ANKRD36B: variants seen among roughly 807,000 people sequenced by gnomAD.
ANKRD36B encodes the protein ankyrin repeat domain 36B.
ANKRD36B carries 37 observed loss-of-function variants against 135.7 expected under a neutral mutation model. The observed-to-expected ratio is 0.27, with a 90% CI of 0.21 to 0.36. The LOEUF (loss-of-function observed/expected upper bound fraction) is 0.36. Among genes scored for constraint, ANKRD36B ranks in the 10% least tolerant of loss-of-function variants. The probability of loss-of-function intolerance (pLI) is 1.00; values close to 1 mark genes in which losing one functional copy is unlikely to be tolerated. For synonymous variants in ANKRD36B, 179 were observed against 348.1 expected (o/e 0.51, Z 5.41); for missense variants, 549 against 1,037.1 (o/e 0.53, Z 6.46).
intron 6 of ANKRD36B, among the ~76,000 whole-genome samples, chr2:97,574,563 C>A (rs2082104714): frequency 6.6e-6 from 1 of 152,172 alleles, no homozygotes; most frequent in African/African-American, 2.4e-5. Context: ...GATTATAAAT[C>A]ATGCTGCTAT....
At chr2:97,576,160 A>G (rs1006974799) in intron 6 of ANKRD36B, among the ~76,000 whole-genome samples, 40 of 151,146 alleles carry the variant, frequency 2.6e-4, no homozygotes, top group African/African-American at 9.7e-4. Context: ...GAATACTAGG[A>G]ACGATAATTA....
In ANKRD36B at chr2:97,553,229, G is replaced by A. The variant is rs775806969; in HGVS notation, c.1212C>T (p.Asp404=). ...CTATATTAGAAACAGAACCTTCCTCGTCAGTTGTAGCCTGAATGGAATTTG... is the reference window on the plus strand; with the variant it reads ...CTATATTAGAAACAGAACCTTCCTCATCAGTTGTAGCCTGAATGGAATTTG... The part of the protein sequence containing the change: ...QKQQALKATT[D]EEGSVSNIAT... The change falls in exon 16 of 44, where the codon GAC becomes GAT. Residue 404 remains aspartate (D), a synonymous_variant. Coordinates refer to ENST00000359901, the MANE Select transcript of ANKRD36B (RefSeq NM_001393939.1). 1.2e-5 allele frequency: 20 copies of A among 1,610,462 alleles called. No homozygotes were observed. Among genetic ancestry groups the A allele is most frequent in the Admixed American group, 3.4e-5 (2 of 59,650 alleles).
chr2:97,555,150 C>T lies in ANKRD36B; in HGVS notation c.1099-18G>A. The T allele has an allele frequency of 6.2e-7, 1 of 1,611,442 alleles. No homozygotes were observed. Among genetic ancestry groups the T allele is most frequent in the Non-Finnish European group, 8.5e-7 (1 of 1,178,478 alleles). On this transcript the variant is annotated intron_variant, in intron 13 of 43. Transcript: ENST00000359901. ...CTTGCAGTCTGAAAGTAATTTGAAG[C>T]AAATTATCAATAAAGAAAGTATGTT...
At chr2:97,555,555 CA>C (rs1451366876) in intron 12 of ANKRD36B, among the ~76,000 whole-genome samples, 3 of 151,862 alleles carry the variant, frequency 2.0e-5, no homozygotes, top group Non-Finnish European at 2.9e-5. Context: ...GATCTAAAAT[CA>C]GAGGAGCAAC....
chr2:97,546,728 C>G (rs962360475), intron 22 of ANKRD36B, among the ~76,000 whole-genome samples: 3 of 151,592 alleles, frequency 2.0e-5, no homozygotes, highest in Non-Finnish European at 3.0e-5. Flanking sequence ...TTGGGAGGAC[C>G]ATGTTATTCT....
At chr2:97,568,381 G>T (rs1273144709) in intron 6 of ANKRD36B, among the ~76,000 whole-genome samples, 1 of 152,068 alleles carries the variant, frequency 6.6e-6, no homozygotes, top group African/African-American at 2.4e-5. Flanking sequence ...CAAAACACAG[G>T]ATACAGAGTA....
intron 16 of ANKRD36B, 114 bp from the exon 17 acceptor site, chr2:97,551,594 T>G: frequency 6.7e-7 from 1 of 1,503,316 alleles, no homozygotes; most frequent in Non-Finnish European, 9.1e-7. Context: ...AGCGTAGGTT[T>G]TGATGGCTTC....
intron 36 of ANKRD36B, among the ~76,000 whole-genome samples, chr2:97,522,230 T>C (rs1421715102): frequency 1.2e-5 from 1 of 84,886 alleles, no homozygotes; most frequent in Non-Finnish European, 3.0e-5. Context: ...AAGTGAAAAG[T>C]CAACCCAAAA....
intron 14 of ANKRD36B, among the ~76,000 whole-genome samples, chr2:97,554,829 A>G (rs556151923): frequency 1.3e-5 from 2 of 151,988 alleles, no homozygotes; most frequent in South Asian, 4.1e-4. Flanking sequence ...CTGCTCTCCA[A>G]TGTTTCTTCT....
At chr2:97,562,927 T>C (rs1284209301) in intron 6 of ANKRD36B, among the ~76,000 whole-genome samples, 1 of 151,990 alleles carries the variant, frequency 6.6e-6, no homozygotes, top group African/African-American at 2.4e-5. Flanking sequence ...CATCTCTTAT[T>C]TTGTCGCTAT....
At chr2:97,586,607 C>T (rs1300952524) in intron 1 of ANKRD36B, among the ~76,000 whole-genome samples, 1 of 152,068 alleles carries the variant, frequency 6.6e-6, no homozygotes, top group Non-Finnish European at 1.5e-5. Context: ...TGCATACATA[C>T]AGTTGGGAAG....
intron 35 of ANKRD36B, among the ~76,000 whole-genome samples, chr2:97,528,994 A>C (rs1394428254): frequency 3.1e-5 from 3 of 96,940 alleles, no homozygotes; most frequent in African/African-American, 9.3e-5. Context: ...AACTGGTACC[A>C]TTCCTTCTGA....
At chr2:97,536,526 T>C (rs2078899919) in intron 32 of ANKRD36B, 30 bp from the exon 33 acceptor site, 2 of 869,038 alleles carry the variant, frequency 2.3e-6, no homozygotes, top group South Asian at 2.6e-5. Context: ...TATAATCATA[T>C]GTAAATATGG....
At chr2:97,550,623 T>C (rs528800383) in intron 18 of ANKRD36B, among the ~76,000 whole-genome samples, 1 of 151,928 alleles carries the variant, frequency 6.6e-6, no homozygotes, top group South Asian at 2.1e-4. Flanking sequence ...TGATGCCTAA[T>C]AGTAACAAAG....
At chr2:97,565,945 G>A (rs1490974901) in intron 6 of ANKRD36B, among the ~76,000 whole-genome samples, 2 of 151,786 alleles carry the variant, frequency 1.3e-5, no homozygotes, top group African/African-American at 4.8e-5. Context: ...TCAGAAGGCT[G>A]AGGCAGAAGT....
At chr2:97,571,423 G>A (rs893684618) in intron 6 of ANKRD36B, among the ~76,000 whole-genome samples, 13 of 151,988 alleles carry the variant, frequency 8.6e-5, no homozygotes, top group South Asian at 2.1e-4. Context: ...TGGGGCGGGC[G>A]GATCACAAGG....
Position 97,576,407 on chromosome 2 carries a change from A to AT in ANKRD36B, c.734dup (p.Tyr245Ter). 7.5e-7 allele frequency: 1 copy of AT among 1,327,368 alleles called. No homozygotes were observed. Among genetic ancestry groups the AT allele is most frequent in the South Asian group, 1.4e-5 (1 of 71,564 alleles). 82.2% of individuals were successfully genotyped at this position (1,327,368 alleles called of 1,614,324 possible). A position where few individuals can be genotyped will look rare whatever the true frequency, so the allele number is the denominator to read the frequency against. ...DLIYEYKRKR[Y>*]EDLPINSNPV... The stretch of plus-strand genomic sequence containing the variant: ...GATTGCTATTTATAGGAAGATCTTC[A>AT]TATCTCTTTCTTTTGTATTCATAAA... The change falls in exon 6 of 44, where the codon TAT (tyrosine) becomes TAAT (stop). Residue 245 changes from tyrosine to a stop codon, truncating the protein, a stop_gained and frameshift_variant. Transcript: ENST00000359901. LOFTEE classifies it high-confidence loss of function.
intron 12 of ANKRD36B, among the ~76,000 whole-genome samples, chr2:97,556,016 C>A (rs997075049): frequency 1.6e-4 from 25 of 151,920 alleles, no homozygotes; most frequent in East Asian, 1.9e-4. Context: ...TTACATTTGG[C>A]TATCAGTCCA....
intron 6 of ANKRD36B, among the ~76,000 whole-genome samples, chr2:97,568,000 T>C (rs1366909157): frequency 6.6e-6 from 1 of 152,140 alleles, no homozygotes; most frequent in Non-Finnish European, 1.5e-5. Flanking sequence ...GTGCAGAAAG[T>C]AGGGTGACTA....
Sources: gnomAD v4.1 joint callset for allele counts (sites outside exome capture counted in the v4.1 genomes callset) on GRCh38, gnomAD v4.1.1 for gene constraint, MANE v1.5 for transcripts, NCBI Gene and HGNC (gene_info 2026-07-23, HGNC 2026-07-21) for gene names.